The following RIT2 variants were observed in gnomAD, a reference collection of about 807,000 sequenced individuals.
RIT2 encodes the protein Ras like without CAAX 2.
In RIT2, 24 loss-of-function variants were observed where a neutral mutation model predicts 23.7. That is an observed-to-expected ratio of 1.01 (90% CI 0.73 to 1.43). The LOEUF (loss-of-function observed/expected upper bound fraction) is 1.43, where lower values mean the gene tolerates loss of function less well. Ranked by LOEUF, RIT2 falls within the 40% of genes most tolerant of loss-of-function variation. The pLI, the probability that RIT2 is intolerant of heterozygous loss-of-function variation, is 0.00. For synonymous variants in RIT2, 107 were observed against 91.1 expected (o/e 1.17, Z -0.99); for missense variants, 236 against 266.9 (o/e 0.88, Z 0.81).
chr18:42,829,996 T>A (rs1170085522), intron 4 of RIT2, among the ~76,000 whole-genome samples: 1 of 151,938 alleles, frequency 6.6e-6, no homozygotes, highest in Non-Finnish European at 1.5e-5. Flanking sequence ...ATTCAAACAG[T>A]GGGAAAATGA....
intron 3 of RIT2, among the ~76,000 whole-genome samples, chr18:42,949,743 A>C (rs1280398028): frequency 6.6e-6 from 1 of 152,086 alleles, no homozygotes. Context: ...TGGGATTAAT[A>C]ATCTGAGACT....
At chr18:42,761,303 C>T (rs929925732) in intron 4 of RIT2, among the ~76,000 whole-genome samples, 16 of 152,166 alleles carry the variant, frequency 1.1e-4, no homozygotes, top group African/African-American at 3.9e-4. Flanking sequence ...TCCCAGTCTC[C>T]ACTTCAAGAA....
rs28430444 is a variant in RIT2 at position 42,815,959 on chromosome 18, C to T, written c.427-72239G>A. Among the ~76,000 whole-genome samples the T allele has an allele frequency of 7.7e-3, 1,176 of 152,150 alleles. 10 individuals carry two copies. The highest frequency in any genetic ancestry group is 0.026 in the African/African-American group (1,097 of 41,514). Reference sequence around the variant, plus strand: ...TGTTGAAAACGTCATTAATTAATGGCGAGAGACAGTTGAAAGACTTGGCTT... The same window carrying T: ...TGTTGAAAACGTCATTAATTAATGGTGAGAGACAGTTGAAAGACTTGGCTT... On this transcript the variant is annotated intron_variant, in intron 4 of 4. Transcript: ENST00000326695.
chr18:42,891,605 A>G (rs115988480), intron 4 of RIT2, among the ~76,000 whole-genome samples: 192 of 152,288 alleles, frequency 1.3e-3, no homozygotes, highest in African/African-American at 4.3e-3. Context: ...ACATGGAATA[A>G]CTTCAAATTC....
At chr18:42,745,784 C>A (rs598658) in intron 4 of RIT2, among the ~76,000 whole-genome samples, 82,282 of 151,968 alleles carry the variant, frequency 0.54, 25,083 homozygotes, top group Middle Eastern at 0.71. Context: ...CACTGTATAA[C>A]GTGGGTTACC....
chr18:43,033,032 G>A (rs759953602), intron 2 of RIT2, among the ~76,000 whole-genome samples: 1 of 152,138 alleles, frequency 6.6e-6, no homozygotes, highest in Non-Finnish European at 1.5e-5. Flanking sequence ...AGTCAGCCAT[G>A]AGGCTATATG....
chr18:43,002,795 CA>C (rs1301397672), intron 2 of RIT2, among the ~76,000 whole-genome samples: 2 of 151,892 alleles, frequency 1.3e-5, no homozygotes, highest in Non-Finnish European at 2.9e-5. Flanking sequence ...CATTACATTA[CA>C]TTGCAAGGGG....
At chr18:42,953,192 AAT>A (rs1200300871) in intron 3 of RIT2, among the ~76,000 whole-genome samples, 1 of 152,038 alleles carries the variant, frequency 6.6e-6, no homozygotes, top group Admixed American at 6.6e-5. Flanking sequence ...ATATCATTTT[AAT>A]ATGTTTTAAA....
chr18:42,996,650 G>A (rs1381636628), intron 2 of RIT2, among the ~76,000 whole-genome samples: 2 of 151,440 alleles, frequency 1.3e-5, no homozygotes, highest in East Asian at 2.0e-4. Context: ...CCCTTTGAGT[G>A]TAATTTTCCT....
chr18:43,066,597 G>T (rs980732986), intron 1 of RIT2, among the ~76,000 whole-genome samples: 4 of 152,142 alleles, frequency 2.6e-5, no homozygotes, highest in African/African-American at 7.2e-5. Context: ...GCACATGGTT[G>T]TGTCATAAAG....
Position 42,860,417 on chromosome 18 carries a change from C to A in RIT2, c.426+63155G>T, listed in dbSNP as rs150565063. On this transcript the variant is annotated intron_variant, in intron 4 of 4. Coordinates refer to ENST00000326695, the MANE Select transcript of RIT2 (RefSeq NM_002930.4). ...TAAGTACTCATAGAATTGTTGCAAG[C>A]ATTTGGTTAATTTTCAGAGTTTTGA... Among the ~76,000 whole-genome samples the A allele has an allele frequency of 7.4e-3, 1,132 of 152,266 alleles. 17 individuals are homozygous for A. The highest frequency in any genetic ancestry group is 0.026 in the African/African-American group (1,080 of 41,546).
At chr18:42,910,950 A>G (rs1298692936) in intron 4 of RIT2, among the ~76,000 whole-genome samples, 3 of 152,150 alleles carry the variant, frequency 2.0e-5, no homozygotes, top group Non-Finnish European at 4.4e-5. Flanking sequence ...ATCTACTGAC[A>G]TTTATAGAAC....
intron 1 of RIT2, among the ~76,000 whole-genome samples, chr18:43,047,714 AG>A (rs778552181): frequency 1.2e-4 from 18 of 152,178 alleles, no homozygotes; most frequent in Non-Finnish European, 2.6e-4. Flanking sequence ...GTTTGAAGCC[AG>A]GGGCTCAGAG....
intron 1 of RIT2, among the ~76,000 whole-genome samples, chr18:43,047,562 T>C (rs1196486013): frequency 6.6e-6 from 1 of 152,116 alleles, no homozygotes; most frequent in Admixed American, 6.6e-5. Context: ...GATACGCTTT[T>C]CAGTATTCTT....
At chr18:42,832,947 G>A (rs1188275078) in intron 4 of RIT2, among the ~76,000 whole-genome samples, 2 of 151,224 alleles carry the variant, frequency 1.3e-5, no homozygotes, top group African/African-American at 4.9e-5. Flanking sequence ...CCAGCTAGTA[G>A]GGAGGCTGAG....
At chr18:43,035,674 T>C (rs1363163974) in intron 1 of RIT2, among the ~76,000 whole-genome samples, 1 of 152,214 alleles carries the variant, frequency 6.6e-6, no homozygotes, top group Non-Finnish European at 1.5e-5. Flanking sequence ...TCAAGGAATA[T>C]TTGATTTCCC....
At chr18:42,860,401 A>G (rs1351988271) in intron 4 of RIT2, among the ~76,000 whole-genome samples, 1 of 152,230 alleles carries the variant, frequency 6.6e-6, no homozygotes, top group Non-Finnish European at 1.5e-5. Context: ...ATAAGTACTC[A>G]TAGAATTGTT....
intron 3 of RIT2, among the ~76,000 whole-genome samples, chr18:42,956,517 A>T (rs1231796154): frequency 2.0e-5 from 3 of 152,144 alleles, no homozygotes; most frequent in Admixed American, 6.5e-5. Context: ...TCTCTGCTCC[A>T]TTTCGTCGGT....
intron 4 of RIT2, among the ~76,000 whole-genome samples, chr18:42,792,539 T>A (rs1158885389): frequency 1.3e-5 from 2 of 152,178 alleles, no homozygotes; most frequent in Non-Finnish European, 2.9e-5. Flanking sequence ...GCCTTGTATT[T>A]TATATATATC....
Sources: gnomAD v4.1 joint callset for allele counts (sites outside exome capture counted in the v4.1 genomes callset) on GRCh38, gnomAD v4.1.1 for gene constraint, MANE v1.5 for transcripts, NCBI Gene and HGNC (gene_info 2026-07-23, HGNC 2026-07-21) for gene names.